The following PLEKHA5 variants were observed in gnomAD, a reference collection of about 807,000 sequenced individuals.
PLEKHA5 encodes pleckstrin homology domain containing A5, also known as pleckstrin homology domain-containing family A member 5.
A neutral mutation model predicts 181.9 loss-of-function variants in PLEKHA5; 55 were observed. The ratio of observed to expected loss-of-function variants is 0.30; its 90% CI spans 0.24 to 0.38. The LOEUF is 0.38. Among genes scored for constraint, PLEKHA5 ranks in the 10% least tolerant of loss-of-function variants. PLEKHA5 has a pLI of 1.00. For missense variants in PLEKHA5, 1,432 were observed against 1,549.5 expected (o/e 0.92, Z 1.27); for synonymous variants, 535 against 529.4 (o/e 1.01, Z -0.15).
At chr12:19,287,578 C>T (rs1419302315) in intron 13 of PLEKHA5, 22 bp downstream of exon 13, 5 of 1,302,844 alleles carry the variant, frequency 3.8e-6, no homozygotes, top group Non-Finnish European at 4.4e-6. Context: ...CTTTATTTAC[C>T]ATACCATGTT....
intron 21 of PLEKHA5, 139 bp from the exon 22 acceptor site, chr12:19,343,184 C>T (rs1362529395): frequency 3.0e-5 from 15 of 498,722 alleles, no homozygotes; most frequent in African/African-American, 2.9e-4. Flanking sequence ...AGAGTCACAT[C>T]AATCATATTA....
chr12:19,253,992 C>A lies in PLEKHA5; in HGVS notation c.280C>A (p.Gln94Lys). Residue 94 changes from glutamine (Q) to lysine (K), a missense_variant, in exon 4 of 32, where the codon CAG becomes AAG. Physicochemically the swap from Gln to Lys is moderately conservative, Grantham distance 53 (BLOSUM62 1). Transcript: ENST00000429027. The stretch of plus-strand genomic sequence containing the variant: ...ACATCCAGTCACAGGACAACCATCA[C>A]AGGACAATTGTATTTTTGTAGTGAA... ...CKHPVTGQPSQDNCIFVVNEQ... is the reference protein window; with the variant it reads ...CKHPVTGQPSKDNCIFVVNEQ... 6.2e-7 allele frequency: 1 copy of A among 1,606,844 alleles called. No homozygotes were observed. The highest frequency in any genetic ancestry group is 8.5e-7 in the Non-Finnish European group (1 of 1,175,640).
chr12:19,274,908 G>C lies in PLEKHA5; in HGVS notation c.1238G>C (p.Arg413Thr), dbSNP rs1305542366. The C allele has an allele frequency of 1.9e-6, 3 of 1,613,768 alleles. No homozygotes were observed. In the African/African-American group the frequency reaches 4.0e-5, roughly 22 times the overall value. The change falls in exon 11 of 32, where the codon AGA (arginine) becomes ACA (threonine). Residue 413 changes from arginine to threonine, a missense_variant. Physicochemically the swap from Arg to Thr is moderately conservative, Grantham distance 71. Transcript: ENST00000429027. The part of the protein sequence containing the change: ...LYTEADRVIQ[R>T]TNSMQQLEQW... ...ACAGAGGCCGATCGAGTCATACAGA[G>C]AACAAATTCAATGCAGCAGTTGGAA...
chr12:19,265,999 G>T (rs2070236785), intron 8 of PLEKHA5, 149 bp downstream of exon 8: 1 of 442,598 alleles, frequency 2.3e-6, no homozygotes, highest in African/African-American at 2.1e-5. Context: ...TTGTATAGAA[G>T]AATGTCCCTC....
At chr12:19,371,442 C>T (rs1176702301) in intron 31 of PLEKHA5, 1 of 152,710 alleles carries the variant, frequency 6.5e-6, no homozygotes, top group Admixed American at 6.5e-5. Flanking sequence ...GTATGTTGTA[C>T]CCAATCCTTC....
In PLEKHA5 at chr12:19,304,471, A is replaced by C. The variant is rs1002420996; in HGVS notation, c.2038-10343A>C. 3.9e-5 allele frequency among the ~76,000 whole-genome samples: 6 copies of C among 152,194 alleles called. No homozygotes were observed. The East Asian group carries it at 1.2e-3, about 29-fold the overall frequency. The stretch of plus-strand genomic sequence containing the variant: ...CAATATTTGTGTTTACTTAGTTTGA[A>C]GTTTTTTATCTTTGATAGTTGTGCA... On this transcript the variant is annotated intron_variant, in intron 15 of 31. Coordinates refer to ENST00000429027, the MANE Select transcript of PLEKHA5 (RefSeq NM_001256470.2).
Position 19,130,114 on chromosome 12 carries a change from C to T in PLEKHA5, c.153C>T (p.His51=). ...PVTGEAVVTG[H]RRQSTDLPTG... ...CCGGCGAGGCGGTGGTCACCGGACACCGGCGGCAGAGCACAGGTAACGCCG... is the reference window on the plus strand; with the variant it reads ...CCGGCGAGGCGGTGGTCACCGGACATCGGCGGCAGAGCACAGGTAACGCCG... Residue 51 remains histidine (H), a synonymous_variant, in exon 2 of 32, where the codon CAC becomes CAT. Transcript: ENST00000429027. The surrounding 1 kb of genome is among the most constrained non-coding windows in gnomAD (Gnocchi z 4.5). 6.3e-7 allele frequency: 1 copy of T among 1,580,560 alleles called. No individual in the cohort carries two copies. Among genetic ancestry groups the T allele is most frequent in the Non-Finnish European group, 8.6e-7 (1 of 1,164,814 alleles).
At chr12:19,352,736 T>C (rs2094673513) in intron 25 of PLEKHA5, among the ~76,000 whole-genome samples, 1 of 151,742 alleles carries the variant, frequency 6.6e-6, no homozygotes, top group Admixed American at 6.6e-5. Flanking sequence ...ATTTTATAAT[T>C]AATGTTCTTA....
intron 3 of PLEKHA5, among the ~76,000 whole-genome samples, chr12:19,199,035 C>T (rs2053603529): frequency 6.6e-6 from 1 of 151,992 alleles, no homozygotes; most frequent in African/African-American, 2.4e-5. Flanking sequence ...ATAATTAGGT[C>T]TATTCATTAT....
intron 30 of PLEKHA5, among the ~76,000 whole-genome samples, chr12:19,368,714 T>C (rs1451774026): frequency 6.6e-6 from 1 of 152,010 alleles, no homozygotes; most frequent in African/African-American, 2.4e-5. Context: ...TCGCTTGAAC[T>C]TGGGAGGCAG....
At chr12:19,335,545 A>G (rs1419866695) in intron 20 of PLEKHA5, among the ~76,000 whole-genome samples, 1 of 150,134 alleles carries the variant, frequency 6.7e-6, no homozygotes, top group Non-Finnish European at 1.5e-5. Context: ...CCTCCTAAGC[A>G]GCTGGGATTA....
At chr12:19,282,440 A>G (rs985034702) in intron 11 of PLEKHA5, among the ~76,000 whole-genome samples, 4 of 152,206 alleles carry the variant, frequency 2.6e-5, no homozygotes, top group Non-Finnish European at 4.4e-5. Flanking sequence ...AGGAAAAGCT[A>G]TGAAAGGAAG....
chr12:19,203,955 A>C (rs2054792611), intron 3 of PLEKHA5, among the ~76,000 whole-genome samples: 2 of 151,860 alleles, frequency 1.3e-5, no homozygotes, highest in Admixed American at 1.3e-4. Flanking sequence ...GAACTACCGC[A>C]CCCCCATACA....
chr12:19,316,155 C>G (rs1320966648), intron 16 of PLEKHA5, among the ~76,000 whole-genome samples: 1 of 151,510 alleles, frequency 6.6e-6, no homozygotes, highest in African/African-American at 2.4e-5. Context: ...GTGTCTGAAG[C>G]TGTCAGTAAA....
rs377021070 is a variant in PLEKHA5, at chr12:19,132,282, TA to T, written c.170-109del. 1,961 of 662,692 alleles carry T rather than the reference TA, an allele frequency of 3.0e-3. 42 individuals carry two copies. The East Asian group carries it at 0.041, about 14-fold the overall frequency. The allele number at this position is 662,692 out of a possible 1,614,324, so 41.1% of individuals were successfully genotyped here. ...GCCAGCTCAACACTTTTTTTGTTAG[TA>T]ATCTACTTAATTAAAACAGCTAATA... On this transcript the variant is annotated intron_variant, in intron 2 of 31. Coordinates refer to ENST00000429027, the MANE Select transcript of PLEKHA5 (RefSeq NM_001256470.2).
At chr12:19,244,376 G>C (rs1262958405) in intron 3 of PLEKHA5, among the ~76,000 whole-genome samples, 1 of 152,234 alleles carries the variant, frequency 6.6e-6, no homozygotes, top group Non-Finnish European at 1.5e-5. Context: ...GCACACATCT[G>C]AGCTTTTTGC....
chr12:19,176,792 A>C (rs1445262356), intron 3 of PLEKHA5, among the ~76,000 whole-genome samples: 1 of 152,110 alleles, frequency 6.6e-6, no homozygotes, highest in Admixed American at 6.5e-5. Flanking sequence ...CATATGCTAC[A>C]TAATGTTTTG....
intron 28 of PLEKHA5, 30 bp downstream of exon 28, chr12:19,359,576 C>T: frequency 6.3e-7 from 1 of 1,598,568 alleles, no homozygotes; most frequent in Non-Finnish European, 8.6e-7. Context: ...AAAGGTATTC[C>T]AAAGGAATAG....
intron 3 of PLEKHA5, among the ~76,000 whole-genome samples, chr12:19,232,297 G>A (rs1007089932): frequency 1.3e-4 from 20 of 152,254 alleles, no homozygotes; most frequent in African/African-American, 4.8e-4. Context: ...GAGTGAGGGA[G>A]ATTGGGGTAG....
Sources: gnomAD v4.1 joint callset for allele counts (sites outside exome capture counted in the v4.1 genomes callset) on GRCh38, gnomAD v4.1.1 for gene constraint, Gnocchi (gnomAD v3.1) non-coding constraint, MANE v1.5 for transcripts, NCBI Gene and HGNC (gene_info 2026-07-23, HGNC 2026-07-21) for gene names.